RAP1GAP: variants seen among roughly 807,000 people sequenced by gnomAD.
RAP1GAP encodes the protein rap1 GTPase-activating protein 1.
RAP1GAP carries 35 observed loss-of-function variants against 87.2 expected under a neutral mutation model. The observed-to-expected ratio is 0.40, with a 90% CI of 0.31 to 0.53. The LOEUF (loss-of-function observed/expected upper bound fraction) is 0.53, where lower values mean the gene tolerates loss of function less well. RAP1GAP is among the 20% of genes least tolerant of loss of function. RAP1GAP has a pLI of 0.48. For synonymous variants in RAP1GAP, 375 were observed against 363.9 expected (o/e 1.03, Z -0.35); for missense variants, 734 against 898.9 (o/e 0.82, Z 2.35).
At chr1:21,637,085 C>T (rs1005119329) in intron 2 of RAP1GAP, among the ~76,000 whole-genome samples, 1 of 149,346 alleles carries the variant, frequency 6.7e-6, no homozygotes, top group African/African-American at 2.5e-5. Context: ...ACGGGAGGAG[C>T]GGTGGGGGGT....
chr1:21,639,596 T>C (rs182872799), intron 2 of RAP1GAP, among the ~76,000 whole-genome samples: 1 of 152,238 alleles, frequency 6.6e-6, no homozygotes, highest in Admixed American at 6.5e-5. Flanking sequence ...AATGAGAGAA[T>C]GCACGTGAAA....
intron 4 of RAP1GAP, among the ~76,000 whole-genome samples, chr1:21,619,618 C>A (rs1174486044): frequency 6.6e-6 from 1 of 152,046 alleles, no homozygotes; most frequent in Non-Finnish European, 1.5e-5. Flanking sequence ...ACCTCCCACT[C>A]CTGCAGCACA....
intron 2 of RAP1GAP, among the ~76,000 whole-genome samples, chr1:21,647,993 CAGG>C (rs1238836455): frequency 6.6e-6 from 1 of 152,148 alleles, no homozygotes; most frequent in Non-Finnish European, 1.5e-5. Context: ...CCTTGAATGC[CAGG>C]AGATCATGAT....
At chr1:21,659,095 G>T (rs2096987485) in intron 1 of RAP1GAP, among the ~76,000 whole-genome samples, 1 of 152,018 alleles carries the variant, frequency 6.6e-6, no homozygotes, top group Non-Finnish European at 1.5e-5. Flanking sequence ...AGTAGAGTCG[G>T]GGTTTTTCCA....
In RAP1GAP at chr1:21,651,588, A is replaced by G. The variant is rs751588098; in HGVS notation, c.-148-1792T>C. On this transcript the variant is annotated intron_variant, in intron 1 of 24. Transcript: ENST00000374765. Reference sequence around the variant, plus strand: ...AATGGGAACACACACAGACACAGAAACAGAAACACACACACACAGGCGCCA... The same window carrying G: ...AATGGGAACACACACAGACACAGAAGCAGAAACACACACACACAGGCGCCA... 7 of 697,960 alleles carry G rather than the reference A, an allele frequency of 1.0e-5. No homozygotes were observed. In the East Asian group the frequency reaches 2.1e-4, roughly 21 times the overall value. 43.2% of individuals were successfully genotyped at this position (697,960 alleles called of 1,614,324 possible). A position where few individuals can be genotyped will look rare whatever the true frequency, so the allele number is the denominator to read the frequency against.
chr1:21,668,417 T>G lies in RAP1GAP; in HGVS notation c.-149+837A>C, dbSNP rs1169357811. The G allele has an allele frequency of 6.6e-6, 1 of 152,374 alleles. No individual in the cohort carries two copies. Among genetic ancestry groups the G allele is most frequent in the Non-Finnish European group, 1.5e-5 (1 of 68,180 alleles). The allele number at this position is 152,374 out of a possible 1,614,324, so 9.4% of individuals were successfully genotyped here. A position where few individuals can be genotyped will look rare whatever the true frequency, so the allele number is the denominator to read the frequency against. On this transcript the variant is annotated intron_variant, in intron 1 of 24. Coordinates refer to ENST00000374765, the MANE Select transcript of RAP1GAP (RefSeq NM_002885.4). This position sits in a 1 kb window ranked among gnomAD's most constrained non-coding sequence, Gnocchi z 6.2. ...CCCTGAGAACAGTGGATGTTCTTCC[T>G]GACCCCACCACCGGGCCTGTGCTAT... is the stretch of plus-strand genomic sequence containing the variant.
In RAP1GAP at chr1:21,598,021, G is replaced by A. The variant is rs759203808; in HGVS notation, c.1923C>T (p.Asp641=). 2.5e-6 allele frequency: 4 copies of A among 1,583,576 alleles called. No homozygotes were observed. Among genetic ancestry groups the A allele is most frequent in the Middle Eastern group, 2.2e-4 (1 of 4,542 alleles). ...SPHPDAGKLG[D]PACPEIKIQL... ...GGATCTTGATCTCGGGACACGCAGG[G>A]TCCCCCAACTTGCCGGCGTCTGGGT... Residue 641 remains aspartate, a synonymous_variant, in exon 23 of 25, where the codon GAC becomes GAT. Coordinates refer to ENST00000374765, the MANE Select transcript of RAP1GAP (RefSeq NM_002885.4).
intron 5 of RAP1GAP, among the ~76,000 whole-genome samples, chr1:21,618,423 T>C (rs1313955595): frequency 2.0e-5 from 3 of 152,062 alleles, no homozygotes; most frequent in Non-Finnish European, 4.4e-5. Flanking sequence ...GGCCTGGTCT[T>C]CTAGGGTCTC....
Position 21,634,693 on chromosome 1 carries a change from C to T in RAP1GAP, c.-112-8296G>A, listed in dbSNP as rs2094403564. ...CCTGAACAAATAACAGGTTGGCAGC[C>T]TAGAGAGGTGGTCACGGGACCGGTC... On this transcript the variant is annotated intron_variant, in intron 2 of 24. Transcript: ENST00000374765. This position sits in a 1 kb window ranked among gnomAD's most constrained non-coding sequence, Gnocchi z 4.1. 2 of 373,384 alleles carry T rather than the reference C, an allele frequency of 5.4e-6. No individual in the cohort carries two copies. Among genetic ancestry groups the T allele is most frequent in the Non-Finnish European group, 1.1e-5 (2 of 177,424 alleles). The allele number at this position is 373,384 out of a possible 1,614,324, so 23.1% of individuals were successfully genotyped here.
chr1:21,630,153 A>G (rs1269982603), intron 2 of RAP1GAP, among the ~76,000 whole-genome samples: 1 of 152,218 alleles, frequency 6.6e-6, no homozygotes, highest in Non-Finnish European at 1.5e-5. Flanking sequence ...ACACACAGTA[A>G]ATGAAAGTCT....
Position 21,598,486 on chromosome 1 carries a change from G to A in RAP1GAP, c.1793C>T (p.Ser598Leu), listed in dbSNP as rs765215735. ...EDTGLESVSSSGTPHKRDSFI... is the reference protein window; with the variant it reads ...EDTGLESVSSLGTPHKRDSFI... ...GGAGTCCCGCTTGTGGGGTGTTCCT[G>A]AGGATGACACGCTCTCCTGGGGAGG... Residue 598 changes from serine to leucine, a missense_variant, in exon 22 of 25, where the codon TCA (serine) becomes TTA (leucine). Physicochemically the swap from Ser to Leu is moderately radical, Grantham distance 145. Transcript: ENST00000374765. The A allele has an allele frequency of 1.2e-6, 2 of 1,613,510 alleles. No homozygotes were observed. The highest frequency in any genetic ancestry group is 1.7e-6 in the Non-Finnish European group (2 of 1,179,558).
intron 3 of RAP1GAP, among the ~76,000 whole-genome samples, chr1:21,620,540 C>A (rs1303849586): frequency 6.6e-4 from 2 of 3,024 alleles, no homozygotes; most frequent in Non-Finnish European, 4.8e-3. Flanking sequence ...GGATGCCCAG[C>A]GGCCCAGCAC....
rs757177914 is a variant in RAP1GAP, at chr1:21,622,895, C to G, written c.-18-2845G>C. On this transcript the variant is annotated intron_variant, in intron 3 of 24. Coordinates refer to ENST00000374765, the MANE Select transcript of RAP1GAP (RefSeq NM_002885.4). The surrounding 1 kb of genome is among the most constrained non-coding windows in gnomAD (Gnocchi z 5.7). Reference sequence around the variant, plus strand: ...CACCTACTTAATGCTGGGCCCTTCGCATGTGTCGTAATCTCGTCACAGCCC... The same window carrying G: ...CACCTACTTAATGCTGGGCCCTTCGGATGTGTCGTAATCTCGTCACAGCCC... 2 of 152,252 alleles carry G rather than the reference C, an allele frequency of 1.3e-5. No individual in the cohort carries two copies. Among genetic ancestry groups the G allele is most frequent in the Non-Finnish European group, 2.9e-5 (2 of 68,056 alleles). The allele number at this position is 152,252 out of a possible 1,614,324, so 9.4% of individuals were successfully genotyped here.
chr1:21,660,644 CTT>C (rs2097121304), intron 1 of RAP1GAP, among the ~76,000 whole-genome samples: 1 of 152,040 alleles, frequency 6.6e-6, no homozygotes, highest in Admixed American at 6.6e-5. Context: ...CCGACTCAGT[CTT>C]GAGCTGTGAC....
chr1:21,631,122 C>A (rs887740452), intron 2 of RAP1GAP, among the ~76,000 whole-genome samples: 1 of 152,198 alleles, frequency 6.6e-6, no homozygotes. Context: ...TCCTCCTGGT[C>A]TTCTCCATTC....
At chr1:21,662,762 A>AC in intron 1 of RAP1GAP, among the ~76,000 whole-genome samples, 1 of 152,132 alleles carries the variant, frequency 6.6e-6, no homozygotes, top group Non-Finnish European at 1.5e-5. Context: ...GGCTAAAAGT[A>AC]GAGTCACACA....
intron 7 of RAP1GAP, among the ~76,000 whole-genome samples, 166 bp from the exon 8 acceptor site, chr1:21,614,255 C>G (rs1356398200): frequency 6.6e-6 from 1 of 152,220 alleles, no homozygotes; most frequent in Non-Finnish European, 1.5e-5. Context: ...CAAAGCCCCA[C>G]TCTGCCACTG....
At chr1:21,607,848 C>T (rs980424065) in intron 17 of RAP1GAP, among the ~76,000 whole-genome samples, 2 of 152,134 alleles carry the variant, frequency 1.3e-5, no homozygotes, top group Non-Finnish European at 2.9e-5. Flanking sequence ...AGACTAGAGC[C>T]TCCTCTAGCC....
rs776739159 is a variant in RAP1GAP at position 21,603,747 on chromosome 1, C to T, written c.1429-834G>A. On this transcript the variant is annotated intron_variant, in intron 18 of 24. Coordinates refer to ENST00000374765, the MANE Select transcript of RAP1GAP (RefSeq NM_002885.4). The surrounding 1 kb of genome is among the most constrained non-coding windows in gnomAD (Gnocchi z 6.0). ...GCCTGTCCCGGGGGCAGAGGGGCAA[C>T]GTCCCCAATATGGCCTCCGTCCTGA... 27 of 1,422,914 alleles carry T rather than the reference C, an allele frequency of 1.9e-5. No homozygotes were observed. The highest frequency in any genetic ancestry group is 1.6e-4 in the South Asian group (14 of 87,088). The allele number at this position is 1,422,914 out of a possible 1,614,324, so 88.1% of individuals were successfully genotyped here.
Sources: allele counts gnomAD v4.1 joint callset (sites outside exome capture counted in the v4.1 genomes callset), GRCh38; gene constraint gnomAD v4.1.1; non-coding constraint Gnocchi (gnomAD v3.1); transcripts MANE v1.5; gene names NCBI Gene and HGNC (gene_info 2026-07-23, HGNC 2026-07-21).